CD38: variants seen among roughly 807,000 people sequenced by gnomAD.
CD38 encodes the protein ADP-ribosyl cyclase/cyclic ADP-ribose hydrolase 1.
Under a neutral mutation model 36.3 loss-of-function variants are expected in CD38, and 31 were observed. The observed-to-expected ratio is 0.85, with a 90% CI of 0.64 to 1.15. The LOEUF (loss-of-function observed/expected upper bound fraction) is 1.15. Ranked by LOEUF, CD38 falls within the 50% of genes most tolerant of loss-of-function variation. The pLI is 0.00. For synonymous variants in CD38, 131 were observed against 135.2 expected (o/e 0.97, Z 0.22); for missense variants, 380 against 371.9 (o/e 1.02, Z -0.18).
chr4:15,779,085 G>A (rs965516168), intron 1 of CD38, among the ~76,000 whole-genome samples: 1 of 152,106 alleles, frequency 6.6e-6, no homozygotes, highest in Non-Finnish European at 1.5e-5. Context: ...CGCTGTCTCT[G>A]ACCCGAAAGT....
At position 15,785,306 on chromosome 4, in the gene CD38, G is replaced by C. The variant is rs180879286; in HGVS notation, c.233+6659G>C. ...GGAATAGAATCTTCTTGAAGCAAAG[G>C]CTGTTTGGAAGCCCCCAGAGTGGAT... On this transcript the variant is annotated intron_variant, in intron 1 of 7. Coordinates refer to ENST00000226279, the MANE Select transcript of CD38 (RefSeq NM_001775.4). Among the ~76,000 whole-genome samples the C allele has an allele frequency of 3.3e-5, 5 of 152,272 alleles. No individual in the cohort carries two copies. In the East Asian group the frequency reaches 7.7e-4, roughly 24 times the overall value.
chr4:15,805,876 T>A (rs1723330425), intron 1 of CD38, among the ~76,000 whole-genome samples: 1 of 152,226 alleles, frequency 6.6e-6, no homozygotes, highest in Non-Finnish European at 1.5e-5. Flanking sequence ...CCTGCTTGTT[T>A]TCTTTGAGCC....
intron 1 of CD38, among the ~76,000 whole-genome samples, chr4:15,814,369 AAT>A (rs1373249174): frequency 1.3e-5 from 2 of 152,068 alleles, no homozygotes; most frequent in Non-Finnish European, 2.9e-5. Context: ...GATTGCAAAA[AAT>A]TTCTCCCATT....
At chr4:15,791,031 T>C (rs1461157871) in intron 1 of CD38, among the ~76,000 whole-genome samples, 1 of 133,176 alleles carries the variant, frequency 7.5e-6, no homozygotes, top group African/African-American at 3.0e-5. Context: ...AGCCACCCCG[T>C]CCGGGAGGGA....
chr4:15,848,318 G>A (rs570217089), intron 7 of CD38, among the ~76,000 whole-genome samples: 10 of 152,198 alleles, frequency 6.6e-5, no homozygotes, highest in Non-Finnish European at 1.5e-4. Flanking sequence ...CAGAAGCTGT[G>A]GGGGTCCGTG....
intron 1 of CD38, among the ~76,000 whole-genome samples, chr4:15,784,724 G>A (rs1722773082): frequency 6.6e-6 from 1 of 152,096 alleles, no homozygotes; most frequent in African/African-American, 2.4e-5. Flanking sequence ...TATGATTGAA[G>A]GCTTCCTTCA....
chr4:15,827,295 A>G (rs1319545987), intron 3 of CD38, among the ~76,000 whole-genome samples: 1 of 151,876 alleles, frequency 6.6e-6, no homozygotes, highest in East Asian at 1.9e-4. Flanking sequence ...CTTATTTTGG[A>G]CTTTACACGG....
chr4:15,812,242 T>C (rs1243799075), intron 1 of CD38, among the ~76,000 whole-genome samples: 2 of 152,204 alleles, frequency 1.3e-5, no homozygotes, highest in South Asian at 2.1e-4. Flanking sequence ...GTCTTTCAAC[T>C]TTGGTCTTCT....
chr4:15,825,471 CT>C (rs773699474), intron 3 of CD38: 6 of 155,712 alleles, frequency 3.9e-5, no homozygotes, highest in Non-Finnish European at 7.1e-5. Flanking sequence ...AGGATCATCC[CT>C]ATGACCCAAA....
chr4:15,790,570 G>A (rs1326008388), intron 1 of CD38, among the ~76,000 whole-genome samples: 4 of 150,282 alleles, frequency 2.7e-5, no homozygotes, highest in Admixed American at 2.0e-4. Flanking sequence ...CCAAAGTGCC[G>A]AGATTGCAGC....
chr4:15,827,121 TC>T (rs1723867383), intron 3 of CD38, among the ~76,000 whole-genome samples: 1 of 152,178 alleles, frequency 6.6e-6, no homozygotes, highest in Non-Finnish European at 1.5e-5. Context: ...CATATGGTGA[TC>T]CCATTTTAGA....
chr4:15,816,449 A>T (rs1577649319), intron 1 of CD38, 62 bp from the exon 2 acceptor site: 1 of 1,375,080 alleles, frequency 7.3e-7, no homozygotes, highest in Non-Finnish European at 1.0e-6. Context: ...AAAAATAATT[A>T]TGCTCCAAAA....
intron 1 of CD38, among the ~76,000 whole-genome samples, chr4:15,805,846 A>G (rs1251468349): frequency 1.3e-5 from 2 of 152,164 alleles, no homozygotes; most frequent in African/African-American, 4.8e-5. Flanking sequence ...CTCAAATTTG[A>G]GAATTAATAG....
intron 4 of CD38, among the ~76,000 whole-genome samples, chr4:15,836,022 C>A (rs1157368709): frequency 6.6e-6 from 1 of 152,100 alleles, no homozygotes; most frequent in Non-Finnish European, 1.5e-5. Flanking sequence ...GTGTGAGTAA[C>A]AATACACTAA....
chr4:15,837,945 A>C, intron 4 of CD38, 147 bp from the exon 5 acceptor site: 1 of 642,808 alleles, frequency 1.6e-6, no homozygotes, highest in Non-Finnish European at 2.7e-6. Flanking sequence ...GCTTGGAATA[A>C]AAATTGTGTA....
At chr4:15,796,255 AT>A (rs887820165) in intron 1 of CD38, among the ~76,000 whole-genome samples, 2 of 151,998 alleles carry the variant, frequency 1.3e-5, no homozygotes, top group Non-Finnish European at 2.9e-5. Context: ...TCCAGATAAA[AT>A]TTTTTCAAAG....
intron 1 of CD38, among the ~76,000 whole-genome samples, chr4:15,810,740 G>A (rs901711201): frequency 2.0e-5 from 3 of 152,164 alleles, no homozygotes; most frequent in African/African-American, 4.8e-5. Flanking sequence ...GAAAGAAACC[G>A]CTGTTGAACT....
chr4:15,778,615 C>CCA lies in CD38; in HGVS notation c.201_202insCA (p.Val68GlnfsTer11). ...TTCCCGAGACCGTCCTGGCGCGATG[C>CCA]GTCAAGTACACTGAAATTCATCCTG... is the stretch of plus-strand genomic sequence containing the variant. On this transcript the variant is annotated frameshift_variant, in exon 1 of 8. Coordinates refer to ENST00000226279, the MANE Select transcript of CD38 (RefSeq NM_001775.4). LOFTEE classifies it high-confidence loss of function. This position sits in a 1 kb window ranked among gnomAD's most constrained non-coding sequence, Gnocchi z 4.9. 6.2e-7 allele frequency: 1 copy of CCA among 1,613,324 alleles called. No individual in the cohort carries two copies. Among genetic ancestry groups the CCA allele is most frequent in the Non-Finnish European group, 8.5e-7 (1 of 1,179,612 alleles).
At chr4:15,828,414 T>C (rs1723893465) in intron 3 of CD38, among the ~76,000 whole-genome samples, 1 of 152,176 alleles carries the variant, frequency 6.6e-6, no homozygotes, top group Admixed American at 6.5e-5. Context: ...CACCATGCTG[T>C]GCAATAAATA....
Sources: gnomAD v4.1 joint callset for allele counts (sites outside exome capture counted in the v4.1 genomes callset) on GRCh38, gnomAD v4.1.1 for gene constraint, Gnocchi (gnomAD v3.1) non-coding constraint, MANE v1.5 for transcripts, NCBI Gene and HGNC (gene_info 2026-07-23, HGNC 2026-07-21) for gene names.